COL6A3: variants seen among roughly 807,000 people sequenced by gnomAD.
COL6A3 encodes collagen alpha-3(VI) chain.
In COL6A3, 137 loss-of-function variants were observed where a neutral mutation model predicts 274.1. The ratio of observed to expected loss-of-function variants is 0.50; its 90% CI spans 0.44 to 0.58. COL6A3 has a LOEUF of 0.58. Among genes scored for constraint, COL6A3 ranks in the 20% least tolerant of loss-of-function variants. The pLI, the probability that COL6A3 is intolerant of heterozygous loss-of-function variation, is 0.00. For missense variants in COL6A3, 3,950 were observed against 4,124.9 expected, an observed-to-expected ratio of 0.96 and a Z score of 1.16; for synonymous variants, 1,650 against 1,650.6, an observed-to-expected ratio of 1.00 and a Z score of 0.01.
At chr2:237,369,822 C>T (rs2077642318) in intron 9 of COL6A3, among the ~76,000 whole-genome samples, 1 of 151,728 alleles carries the variant, frequency 6.6e-6, no homozygotes, top group Non-Finnish European at 1.5e-5. Context: ...CACTATTATT[C>T]CTCTATTTCC....
chr2:237,325,434 G>A, intron 43 of COL6A3, 126 bp downstream of exon 43: 1 of 1,103,084 alleles, frequency 9.1e-7, no homozygotes, highest in Non-Finnish European at 1.4e-6. Context: ...TTCCTTATCT[G>A]AGGATACACT....
intron 9 of COL6A3, among the ~76,000 whole-genome samples, chr2:237,370,782 G>T (rs560332471): frequency 6.6e-6 from 1 of 152,134 alleles, no homozygotes; most frequent in Non-Finnish European, 1.5e-5. Context: ...ATCAGCCCCC[G>T]CATTGGGGAG....
In COL6A3 at chr2:237,372,007, G is replaced by C; in HGVS notation, c.4010C>G (p.Pro1337Arg). 2.5e-6 allele frequency: 4 copies of C among 1,614,098 alleles called. No homozygotes were observed. The highest frequency in any genetic ancestry group is 3.4e-6 in the Non-Finnish European group (4 of 1,180,022). The change falls in exon 9 of 44, where the codon CCG becomes CGG. Residue 1337 changes from proline to arginine, a missense_variant. Physicochemically the swap from Pro to Arg is moderately radical, Grantham distance 103. Coordinates refer to ENST00000295550, the MANE Select transcript of COL6A3 (RefSeq NM_004369.4). ...PLGSRIEEGV[P>R]QFLVLISSGK... ...AGACGAGATGAGGACCAGGAACTGC[G>C]GGACGCCCTCTTCAATGCGGCTCCC...
Position 237,361,784 on chromosome 2 carries a change from A to G in COL6A3, c.6111T>C (p.Ser2037=). 6.2e-7 allele frequency: 1 copy of G among 1,614,240 alleles called. No homozygotes were observed. Among genetic ancestry groups the G allele is most frequent in the Non-Finnish European group, 8.5e-7 (1 of 1,180,036 alleles). The part of the protein sequence containing the change: ...KACCGVPCKC[S]GQRGDRGPIG... ...TGGGCCCGCGGTCTCCCCTCTGCCC[A>G]GAGCACTTGCAGGGAACCCCACAGC... Residue 2037 remains serine, a synonymous_variant, in exon 15 of 44, where the codon TCT becomes TCC. Transcript: ENST00000295550. The surrounding 1 kb of genome is among the most constrained non-coding windows in gnomAD (Gnocchi z 5.1).
rs1279633286 is a variant in COL6A3, at chr2:237,345,181, A to G, written c.7125T>C (p.Asp2375=). The G allele has an allele frequency of 6.2e-7, 1 of 1,614,092 alleles. No homozygotes were observed. Among genetic ancestry groups the G allele is most frequent in the African/African-American group, 1.3e-5 (1 of 74,932 alleles). ...GPKGNRGDSI[D]QCALIQSIKD... ...GTCATTCTGGACACATGCAACTTAC[A>G]TCGATGGAGTCGCCCCTGTTGCCCT... The change falls in exon 33 of 44, where the codon GAT becomes GAC. Residue 2375 remains aspartate, a splice_region_variant and synonymous_variant. Coordinates refer to ENST00000295550, the MANE Select transcript of COL6A3 (RefSeq NM_004369.4).
rs34978064 is a variant in COL6A3, at chr2:237,381,051, G to A, written c.1761C>T (p.Ala587=). The part of the protein sequence containing the change: ...IMAFAIGNKG[A]DQAELEEIAF... ...CGATCTCTTCCAGCTCAGCCTGATC[G>A]GCACCCTTGTTCCCAATGGCAAAGG... The change falls in exon 5 of 44, where the codon GCC becomes GCT. Residue 587 remains alanine (A), a synonymous_variant. Coordinates refer to ENST00000295550, the MANE Select transcript of COL6A3 (RefSeq NM_004369.4). The A allele has an allele frequency of 1.7e-3, 2,763 of 1,614,188 alleles. 6 individuals carry two copies. Among genetic ancestry groups the A allele is most frequent in the Non-Finnish European group, 2.1e-3 (2,527 of 1,180,036 alleles).
Position 237,372,217 on chromosome 2 carries a change from T to C in COL6A3, c.3800A>G (p.Asp1267Gly). 1 of 1,614,062 alleles carries C rather than the reference T, an allele frequency of 6.2e-7. No individual in the cohort carries two copies. The highest frequency in any genetic ancestry group is 8.5e-7 in the Non-Finnish European group (1 of 1,180,020). ...RLVDYLDVGF[D>G]TTRVAVIQFS... ...CTGGATGACAGCCACCCGGGTGGTG[T>C]CAAAGCCCACGTCCAGGTAGTCAAC... Residue 1267 changes from aspartate (D) to glycine (G), a missense_variant, in exon 9 of 44, where the codon GAC becomes GGC. Asp to Gly is a moderately conservative substitution (Grantham distance 94). Transcript: ENST00000295550.
At chr2:237,346,244 C>T (rs2106326635) in intron 32 of COL6A3, among the ~76,000 whole-genome samples, 1 of 152,306 alleles carries the variant, frequency 6.6e-6, no homozygotes, top group Admixed American at 6.5e-5. Context: ...GCACCTATGC[C>T]AGGAAACTAT....
At position 237,359,395 on chromosome 2, in the gene COL6A3, G is replaced by A. The variant is rs753006969; in HGVS notation, c.6283-7C>T. The A allele has an allele frequency of 3.7e-6, 6 of 1,613,756 alleles. No homozygotes were observed. The highest frequency in any genetic ancestry group is 1.7e-5 in the Admixed American group (1 of 60,022). On this transcript the variant is annotated splice_polypyrimidine_tract_variant and splice_region_variant and intron_variant, in intron 17 of 43. Coordinates refer to ENST00000295550, the MANE Select transcript of COL6A3 (RefSeq NM_004369.4). The stretch of plus-strand genomic sequence containing the variant: ...CTGGGAATCCCCGAGAGCCCTAGAA[G>A]GCAAGGCGATAGGGGAAGCATTAGC...
chr2:237,325,420 C>G (rs1035973044), intron 43 of COL6A3, 140 bp downstream of exon 43: 3 of 972,648 alleles, frequency 3.1e-6, no homozygotes, highest in Non-Finnish European at 4.8e-6. Flanking sequence ...TGTATTTGAA[C>G]GTCTTCCTTA....
rs767344070 is a variant in COL6A3 at position 237,352,513 on chromosome 2, C to T, written c.6753+9G>A. The T allele has an allele frequency of 3.1e-6, 5 of 1,610,076 alleles. No individual in the cohort carries two copies. Among genetic ancestry groups the T allele is most frequent in the Non-Finnish European group, 4.2e-6 (5 of 1,178,296 alleles). Reference sequence around the variant, plus strand: ...GCTAGAGAGGGGGCTGGTATTAGGACAGGCTTACCCGAGGTCCAGAAATGC... The same window carrying T: ...GCTAGAGAGGGGGCTGGTATTAGGATAGGCTTACCCGAGGTCCAGAAATGC... On this transcript the variant is annotated intron_variant, in intron 26 of 43. Transcript: ENST00000295550.
At chr2:237,402,765 G>C (rs73998902) in intron 1 of COL6A3, among the ~76,000 whole-genome samples, 1 of 152,176 alleles carries the variant, frequency 6.6e-6, no homozygotes, top group Admixed American at 6.5e-5. Context: ...CTTCTGCCTT[G>C]ACTAGTATCC....
rs1026411798 is a variant in COL6A3 at position 237,365,851 on chromosome 2, C to G, written c.5685G>C (p.Ser1895=). ...VRVSVVANTP[S]GPVEAFDFDE... The stretch of plus-strand genomic sequence containing the variant: ...CAAAGTCAAAGGCCTCCACCGGGCC[C>G]GAGGGCGTGTTGGCCACCACTGACA... The change falls in exon 12 of 44, where the codon TCG becomes TCC. Residue 1895 remains serine (S), a synonymous_variant. Transcript: ENST00000295550. The G allele has an allele frequency of 6.2e-7, 1 of 1,614,166 alleles. No individual in the cohort carries two copies. Among genetic ancestry groups the G allele is most frequent in the Non-Finnish European group, 8.5e-7 (1 of 1,180,038 alleles).
chr2:237,341,437 T>C (rs1325913008), intron 37 of COL6A3, among the ~76,000 whole-genome samples: 1 of 150,226 alleles, frequency 6.7e-6, no homozygotes, highest in African/African-American at 2.5e-5. Context: ...TAGGCTACTC[T>C]GGAGGCTGAG....
intron 4 of COL6A3, among the ~76,000 whole-genome samples, chr2:237,385,028 C>G (rs1431040444): frequency 1.3e-5 from 2 of 152,116 alleles, no homozygotes; most frequent in Admixed American, 1.3e-4. Flanking sequence ...CCCCTGCTCT[C>G]CGCATGCTCA....
At chr2:237,345,032 G>A (rs899999362) in intron 34 of COL6A3, 26 bp downstream of exon 34, 30 of 1,614,076 alleles carry the variant, frequency 1.9e-5, no homozygotes, top group Admixed American at 3.3e-5. Flanking sequence ...TATGCATTGT[G>A]AGACAACAGA....
intron 4 of COL6A3, among the ~76,000 whole-genome samples, chr2:237,384,784 A>G (rs2078102993): frequency 6.6e-6 from 1 of 151,990 alleles, no homozygotes; most frequent in Admixed American, 6.6e-5. Context: ...ACTAACCCAC[A>G]GCCTACCTTC....
intron 20 of COL6A3, 145 bp downstream of exon 20, chr2:237,358,890 A>T (rs2077374979): frequency 1.2e-6 from 1 of 857,676 alleles, no homozygotes; most frequent in Non-Finnish European, 2.0e-6. Context: ...CTGAGAGGGG[A>T]TGTAATGGGT....
chr2:237,344,754 G>T lies in COL6A3; in HGVS notation c.7264C>A (p.Arg2422=). Residue 2422 remains arginine, a synonymous_variant, in exon 36 of 44, where the codon CGA becomes AGA. Transcript: ENST00000295550. This position sits in a 1 kb window ranked among gnomAD's most constrained non-coding sequence, Gnocchi z 4.8. The part of the protein sequence containing the change: ...GVNQDTFGRM[R]DVVLSIVNDL... ...TTCACAATACTCAAGACCACATCTC[G>T]CATCCGGCCGAAAGTGTCTTGGTTG... 5 of 1,600,510 alleles carry T rather than the reference G, an allele frequency of 3.1e-6. No individual in the cohort carries two copies. The highest frequency in any genetic ancestry group is 3.4e-6 in the Non-Finnish European group (4 of 1,173,898).
Sources: gnomAD v4.1 joint callset for allele counts (sites outside exome capture counted in the v4.1 genomes callset) on GRCh38, gnomAD v4.1.1 for gene constraint, Gnocchi (gnomAD v3.1) non-coding constraint, MANE v1.5 for transcripts, NCBI Gene and HGNC (gene_info 2026-07-23, HGNC 2026-07-21) for gene names.